DPP6: variants seen among roughly 807,000 people sequenced by gnomAD.
DPP6 encodes the protein A-type potassium channel modulatory protein DPP6.
A neutral mutation model predicts 122.6 loss-of-function variants in DPP6; 69 were observed. The ratio of observed to expected loss-of-function variants is 0.56; its 90% CI spans 0.46 to 0.69. The LOEUF (loss-of-function observed/expected upper bound fraction) is 0.69, where lower values mean the gene tolerates loss of function less well. Ranked by LOEUF, DPP6 falls within the 30% of genes least tolerant of loss-of-function variation. DPP6 has a pLI of 0.00. For missense variants in DPP6, 928 were observed against 1,116.9 expected (o/e 0.83, Z 2.41); for synonymous variants, 418 against 433.1 (o/e 0.97, Z 0.43).
At chr7:154,739,708 C>G (rs1842730418) in intron 8 of DPP6, among the ~76,000 whole-genome samples, 1 of 152,198 alleles carries the variant, frequency 6.6e-6, no homozygotes, top group Non-Finnish European at 1.5e-5. Flanking sequence ...TCGTAATTGT[C>G]ACATGCACCT....
At chr7:154,641,053 A>C (rs1179068096) in intron 6 of DPP6, among the ~76,000 whole-genome samples, 1 of 152,076 alleles carries the variant, frequency 6.6e-6, no homozygotes, top group Non-Finnish European at 1.5e-5. Flanking sequence ...TCCTTTTGGC[A>C]AATGGCAAAA....
At chr7:154,446,726 G>A (rs1586297308) in intron 2 of DPP6, among the ~76,000 whole-genome samples, 1 of 152,126 alleles carries the variant, frequency 6.6e-6, no homozygotes, top group Admixed American at 6.6e-5. Flanking sequence ...GTGCTAAATA[G>A]GTACTACTGA....
intron 1 of DPP6, among the ~76,000 whole-genome samples, chr7:154,402,699 GTAAC>G (rs1248169643): frequency 1.3e-5 from 2 of 150,802 alleles, no homozygotes; most frequent in African/African-American, 4.9e-5. Context: ...GTATACATAT[GTAAC>G]TAACCTGCAC....
chr7:153,869,534 G>A, the DPP6 span, among the ~76,000 whole-genome samples: 1 of 152,080 alleles, frequency 6.6e-6, no homozygotes, highest in Non-Finnish European at 1.5e-5. Flanking sequence ...TTTATTTGGA[G>A]CCTATGTGTG....
rs528598684 is a variant in DPP6, at chr7:153,928,478, G to C, written c.51+40744G>C. Among the ~76,000 whole-genome samples, 12 of 134,772 alleles carry C rather than the reference G, an allele frequency of 8.9e-5. No homozygotes were observed. In the East Asian group the frequency reaches 2.7e-3, roughly 30 times the overall value. The allele number at this position is 134,772 out of a possible 152,430, so 88.4% of individuals were successfully genotyped here. Reference sequence around the variant, plus strand: ...GCTGGTCTTGAACTCCCAACCTCAGGTGATCTGCCCACCTCAGCCTCCCAA... The same window carrying C: ...GCTGGTCTTGAACTCCCAACCTCAGCTGATCTGCCCACCTCAGCCTCCCAA... On this transcript the variant is annotated intron_variant, in intron 1 of 25. Transcript: ENST00000404039.
chr7:153,791,424 C>CTTTTTTTTTTTTTTTTTT, the DPP6 span, among the ~76,000 whole-genome samples: 338 of 91,602 alleles, frequency 3.7e-3, 33 homozygotes, highest in South Asian at 5.1e-3. Context: ...TCCTTCCTTT[C>CTTTTTTTTTTTTTTTTTT]TTTTTTTTTT....
At chr7:154,848,131 G>A (rs1802089237) in intron 16 of DPP6, among the ~76,000 whole-genome samples, 1 of 152,202 alleles carries the variant, frequency 6.6e-6, no homozygotes, top group Non-Finnish European at 1.5e-5. Flanking sequence ...CAGTAAACAT[G>A]GAAGTACAGA....
At chr7:154,391,400 G>A (rs1814603457) in intron 1 of DPP6, among the ~76,000 whole-genome samples, 1 of 152,100 alleles carries the variant, frequency 6.6e-6, no homozygotes, top group South Asian at 2.1e-4. Context: ...AATTTATGTT[G>A]GTAGTTTTAG....
chr7:154,687,986 G>A (rs112264477), intron 7 of DPP6, among the ~76,000 whole-genome samples: 136 of 152,300 alleles, frequency 8.9e-4, no homozygotes, highest in Middle Eastern at 6.8e-3. Flanking sequence ...GTGTATGGGT[G>A]GATTTGCTTT....
intron 1 of DPP6, among the ~76,000 whole-genome samples, chr7:154,189,891 A>G (rs1304547351): frequency 6.6e-6 from 1 of 152,214 alleles, no homozygotes; most frequent in Non-Finnish European, 1.5e-5. Context: ...ATAACCAACA[A>G]CATTTTACAA....
chr7:154,151,951 G>A (rs1429500728), intron 1 of DPP6, among the ~76,000 whole-genome samples: 2 of 151,086 alleles, frequency 1.3e-5, no homozygotes, highest in Admixed American at 6.6e-5. Context: ...ACACATTTGA[G>A]TTTGGCACAT....
intron 1 of DPP6, among the ~76,000 whole-genome samples, chr7:153,992,041 G>A (rs1797200746): frequency 6.6e-6 from 1 of 152,150 alleles, no homozygotes; most frequent in Non-Finnish European, 1.5e-5. Flanking sequence ...ACCTTCTCCT[G>A]CAACCCCATT....
intron 3 of DPP6, among the ~76,000 whole-genome samples, chr7:154,535,350 AAG>A (rs1828153817): frequency 6.6e-6 from 1 of 151,354 alleles, no homozygotes; most frequent in Admixed American, 6.6e-5. Flanking sequence ...TGAATCATAA[AAG>A]AAAAATACAA....
intron 1 of DPP6, among the ~76,000 whole-genome samples, chr7:154,229,392 A>G (rs1028016125): frequency 4.6e-5 from 7 of 152,238 alleles, no homozygotes; most frequent in African/African-American, 1.4e-4. Flanking sequence ...ATCTGAGTGC[A>G]AGGGTTTTGG....
At chr7:154,461,436 C>T (rs1821292957) in intron 2 of DPP6, among the ~76,000 whole-genome samples, 1 of 152,194 alleles carries the variant, frequency 6.6e-6, no homozygotes, top group African/African-American at 2.4e-5. Flanking sequence ...TTCTGAGGAA[C>T]TTCCAAACTC....
intron 1 of DPP6, among the ~76,000 whole-genome samples, chr7:154,337,343 G>A (rs6974471): frequency 0.093 from 14,142 of 152,136 alleles, 2,069 homozygotes; most frequent in African/African-American, 0.31. Context: ...TATTCTTTTT[G>A]AAAACATAAA....
chr7:154,715,453 G>A (rs1433713808), intron 7 of DPP6, among the ~76,000 whole-genome samples: 1 of 152,166 alleles, frequency 6.6e-6, no homozygotes, highest in Non-Finnish European at 1.5e-5. Flanking sequence ...TTCAGACAAG[G>A]AATCACACAC....
chr7:153,947,832 G>A (rs1297343320), intron 1 of DPP6, among the ~76,000 whole-genome samples: 2 of 152,200 alleles, frequency 1.3e-5, no homozygotes, highest in Non-Finnish European at 2.9e-5. Flanking sequence ...TCACAGGTGG[G>A]TCCTAGGACC....
rs552457859 is a variant in DPP6 at position 154,189,717 on chromosome 7, C to T, written c.243+136654C>T. On this transcript the variant is annotated intron_variant, in intron 1 of 25. Transcript: ENST00000377770. ...GCCGTGTCTCTGGGGTTGAGACCAG[C>T]GAGGCTATCTTTGTATTTGAATCTC... is the stretch of plus-strand genomic sequence containing the variant. Among the ~76,000 whole-genome samples, 7 of 152,278 alleles carry T rather than the reference C, an allele frequency of 4.6e-5. No individual in the cohort carries two copies. The East Asian group carries it at 7.7e-4, about 17-fold the overall frequency.
Sources: allele counts gnomAD v4.1 joint callset (sites outside exome capture counted in the v4.1 genomes callset), GRCh38; gene constraint gnomAD v4.1.1; transcripts MANE v1.5; gene names NCBI Gene and HGNC (gene_info 2026-07-23, HGNC 2026-07-21).